The following TMEM123 variants were observed in gnomAD, a reference collection of about 807,000 sequenced individuals.
TMEM123 encodes transmembrane protein 123, also known as porimin.
In TMEM123, 16 loss-of-function variants were observed where a neutral mutation model predicts 19.7. The ratio of observed to expected loss-of-function variants is 0.81; its 90% CI spans 0.55 to 1.23. The LOEUF is 1.23. TMEM123 is among the 50% of genes most tolerant of loss of function. The pLI is 0.00. For missense variants in TMEM123, 313 were observed against 257.8 expected (o/e 1.21, Z -1.47); for synonymous variants, 118 against 99.4 (o/e 1.19, Z -1.12).
intron 2 of TMEM123, among the ~76,000 whole-genome samples, chr11:102,428,038 T>C (rs904028835): frequency 3.6e-5 from 5 of 137,648 alleles, no homozygotes. Flanking sequence ...GAGATGCTGA[T>C]AAAAAAAAGT....
At chr11:102,417,718 A>G (rs1158442752) in intron 2 of TMEM123, among the ~76,000 whole-genome samples, 1 of 152,228 alleles carries the variant, frequency 6.6e-6, no homozygotes, top group East Asian at 1.9e-4. Context: ...AGCTAGAGTC[A>G]TCATGCTACC....
At chr11:102,399,083 G>A (rs907564226) in intron 4 of TMEM123, among the ~76,000 whole-genome samples, 192 bp from the exon 5 acceptor site, 1 of 152,126 alleles carries the variant, frequency 6.6e-6, no homozygotes, top group Non-Finnish European at 1.5e-5. Context: ...AATGGCATGG[G>A]GATCCACCAT....
intron 2 of TMEM123, among the ~76,000 whole-genome samples, chr11:102,416,148 C>G (rs1184588852): frequency 6.6e-6 from 1 of 152,238 alleles, no homozygotes; most frequent in African/African-American, 2.4e-5. Flanking sequence ...CTCCCGACCT[C>G]AGGTGATCCA....
chr11:102,432,386 G>A (rs1857721070), intron 2 of TMEM123, among the ~76,000 whole-genome samples: 1 of 152,180 alleles, frequency 6.6e-6, no homozygotes, highest in African/African-American at 2.4e-5. Flanking sequence ...GTTGAGAACT[G>A]GAGTAAAGGT....
intron 2 of TMEM123, among the ~76,000 whole-genome samples, chr11:102,424,493 C>G (rs1223078256): frequency 6.6e-6 from 1 of 152,118 alleles, no homozygotes; most frequent in Non-Finnish European, 1.5e-5. Context: ...TCAAGACCAG[C>G]CTGGCCAACA....
intron 2 of TMEM123, among the ~76,000 whole-genome samples, chr11:102,447,041 G>GTGTT (rs1857892139): frequency 6.6e-6 from 1 of 152,180 alleles, no homozygotes; most frequent in Admixed American, 6.5e-5. Flanking sequence ...TGTTTCAAAA[G>GTGTT]TGTTTTCAAG....
chr11:102,428,768 A>C (rs1010011034), intron 2 of TMEM123, among the ~76,000 whole-genome samples: 4 of 152,208 alleles, frequency 2.6e-5, no homozygotes, highest in Admixed American at 2.6e-4. Context: ...TTTAAGTGGT[A>C]CATTTTTGCT....
Position 102,398,204 on chromosome 11 carries a change from A to AGTT in TMEM123, c.*662_*663insAAC, listed in dbSNP as rs1951877965. The AGTT allele has an allele frequency of 5.9e-6, 1 of 169,850 alleles. No individual in the cohort carries two copies. The highest frequency in any genetic ancestry group is 1.2e-5 in the Non-Finnish European group (1 of 80,186). The allele number at this position is 169,850 out of a possible 1,614,324, so 10.5% of individuals were successfully genotyped here. ...TACATCAACATTGAAAGCTCAAAAG[A>AGTT]AGTTAATAAAAATATGTGCTCCTTA... On this transcript the variant is annotated 3_prime_UTR_variant, in exon 5 of 5. Coordinates refer to ENST00000398136, the MANE Select transcript of TMEM123 (RefSeq NM_052932.3).
intron 2 of TMEM123, among the ~76,000 whole-genome samples, chr11:102,415,570 T>C (rs1215694775): frequency 6.6e-6 from 1 of 152,216 alleles, no homozygotes; most frequent in Non-Finnish European, 1.5e-5. Context: ...TGCTCATTAC[T>C]AACTTTGGGG....
chr11:102,403,250 T>C (rs1338868506), intron 2 of TMEM123, among the ~76,000 whole-genome samples: 1 of 152,208 alleles, frequency 6.6e-6, no homozygotes, highest in East Asian at 1.9e-4. Context: ...CTTCAAGTGA[T>C]CTGCTCGCCT....
At chr11:102,441,514 T>C (rs1218920054) in intron 2 of TMEM123, among the ~76,000 whole-genome samples, 1 of 152,086 alleles carries the variant, frequency 6.6e-6, no homozygotes, top group Non-Finnish European at 1.5e-5. Context: ...AGACACAACA[T>C]ACCAGAATCT....
intron 2 of TMEM123, among the ~76,000 whole-genome samples, chr11:102,417,676 C>T (rs1952052885): frequency 2.0e-5 from 3 of 152,102 alleles, no homozygotes; most frequent in Admixed American, 2.0e-4. Context: ...GAGAGCCCAA[C>T]TAGCCAAAGC....
chr11:102,430,208 G>C (rs1260177158), intron 2 of TMEM123, among the ~76,000 whole-genome samples: 1 of 152,172 alleles, frequency 6.6e-6, no homozygotes, highest in Non-Finnish European at 1.5e-5. Flanking sequence ...GATTTGTTTT[G>C]ACCAAGGGGC....
Position 102,398,902 on chromosome 11 carries a change from T to C in TMEM123, c.603-11A>G. 1 of 1,606,722 alleles carries C rather than the reference T, an allele frequency of 6.2e-7. No individual in the cohort carries two copies. Among genetic ancestry groups the C allele is most frequent in the Non-Finnish European group, 8.5e-7 (1 of 1,177,566 alleles). ...GCATCATGTTCATCTCTGTAATATA[T>C]TAAAAGTTACAATTACTTTGTTTTG... On this transcript the variant is annotated splice_polypyrimidine_tract_variant and intron_variant, in intron 4 of 4. Transcript: ENST00000398136.
chr11:102,430,749 T>TA (rs1434935973), intron 2 of TMEM123, among the ~76,000 whole-genome samples: 11 of 152,242 alleles, frequency 7.2e-5, no homozygotes, highest in Admixed American at 7.2e-4. Flanking sequence ...GAGATGGCTA[T>TA]ACTCTCTTAG....
intron 2 of TMEM123, among the ~76,000 whole-genome samples, chr11:102,425,581 T>TAC (rs1412248425): frequency 6.7e-6 from 1 of 149,332 alleles, no homozygotes; most frequent in Non-Finnish European, 1.5e-5. Flanking sequence ...TTTTTCTTTT[T>TAC]TCTTTTTTTT....
chr11:102,436,964 T>A (rs1159719726), intron 2 of TMEM123, among the ~76,000 whole-genome samples: 3 of 152,250 alleles, frequency 2.0e-5, no homozygotes, highest in African/African-American at 2.4e-5. Context: ...TTGATTTTTC[T>A]GGCCTAGGTC....
intron 2 of TMEM123, among the ~76,000 whole-genome samples, chr11:102,409,480 A>G (rs960160486): frequency 5.9e-5 from 9 of 152,142 alleles, no homozygotes; most frequent in African/African-American, 1.7e-4. Context: ...GAGTCAACAG[A>G]TTCATTCTAA....
intron 2 of TMEM123, among the ~76,000 whole-genome samples, chr11:102,411,684 G>GAA (rs796687491): frequency 5.6e-5 from 8 of 142,550 alleles, no homozygotes; most frequent in South Asian, 2.2e-4. Context: ...GCAGAGGTGG[G>GAA]AAAAAAAAAA....
Sources: allele counts gnomAD v4.1 joint callset (sites outside exome capture counted in the v4.1 genomes callset), GRCh38; gene constraint gnomAD v4.1.1; transcripts MANE v1.5; gene names NCBI Gene and HGNC (gene_info 2026-07-23, HGNC 2026-07-21).